Variants in RAB3C observed in about 807,000 individuals in gnomAD.
RAB3C encodes the protein RAB3C, member RAS oncogene family.
RAB3C carries 17 observed loss-of-function variants against 26.4 expected under a neutral mutation model. The observed-to-expected ratio is 0.64, with a 90% CI of 0.44 to 0.97. The LOEUF is 0.97. Among genes scored for constraint, RAB3C ranks in the 50% least tolerant of loss-of-function variants. RAB3C has a pLI of 0.00. For synonymous variants in RAB3C, 91 were observed against 95.9 expected, an observed-to-expected ratio of 0.95 and a Z score of 0.30; for missense variants, 242 against 281.9, an observed-to-expected ratio of 0.86 and a Z score of 1.01.
intron 3 of RAB3C, among the ~76,000 whole-genome samples, chr5:58,769,691 A>G (rs1184449922): frequency 6.6e-6 from 1 of 152,210 alleles, no homozygotes; most frequent in Non-Finnish European, 1.5e-5. Flanking sequence ...ATCCTCATAT[A>G]TAACTGCTAC....
chr5:58,619,376 A>G (rs984584880), intron 2 of RAB3C, among the ~76,000 whole-genome samples: 1 of 152,180 alleles, frequency 6.6e-6, no homozygotes, highest in Admixed American at 6.5e-5. Flanking sequence ...CATTGCTTCA[A>G]GTATGGGTCC....
intron 2 of RAB3C, among the ~76,000 whole-genome samples, chr5:58,688,036 G>C (rs982673970): frequency 6.6e-6 from 1 of 152,026 alleles, no homozygotes; most frequent in Non-Finnish European, 1.5e-5. Context: ...TCTGGTAAAT[G>C]CTTTAGAGAG....
chr5:58,855,104 T>C lies in RAB3C; in HGVS notation c.*3753T>C, dbSNP rs775276147. 6.6e-6 allele frequency: 1 copy of C among 152,200 alleles called. No individual in the cohort carries two copies. Among genetic ancestry groups the C allele is most frequent in the Non-Finnish European group, 1.5e-5 (1 of 68,034 alleles). 9.4% of individuals were successfully genotyped at this position (152,200 alleles called of 1,614,324 possible). ...ATCAGTGGTTCATTGTGATGTGCTT[T>C]ATCCAACATGTATCTTAGTGCATGG... On this transcript the variant is annotated 3_prime_UTR_variant, in exon 5 of 5. Transcript: ENST00000282878.
chr5:58,731,319 A>G (rs1406642088), intron 3 of RAB3C, among the ~76,000 whole-genome samples: 1 of 152,148 alleles, frequency 6.6e-6, no homozygotes. Flanking sequence ...GTTCTGTAAA[A>G]TTAATACAAA....
rs1363932099 is a variant in RAB3C, at chr5:58,854,887, A to G, written c.*3536A>G. 1 of 152,180 alleles carries G rather than the reference A, an allele frequency of 6.6e-6. No homozygotes were observed. The highest frequency in any genetic ancestry group is 1.5e-5 in the Non-Finnish European group (1 of 68,030). 9.4% of individuals were successfully genotyped at this position (152,180 alleles called of 1,614,324 possible). A position where few individuals can be genotyped will look rare whatever the true frequency, so the allele number is the denominator to read the frequency against. On this transcript the variant is annotated 3_prime_UTR_variant, in exon 5 of 5. Coordinates refer to ENST00000282878, the MANE Select transcript of RAB3C (RefSeq NM_138453.4). ...TACTTAAATCTTATTCATATTAATT[A>G]TAGGCCTTTTGTTTAGTACACTGGT...
intron 3 of RAB3C, among the ~76,000 whole-genome samples, chr5:58,811,495 A>G (rs1743089703): frequency 6.6e-6 from 1 of 152,156 alleles, no homozygotes; most frequent in African/African-American, 2.4e-5. Flanking sequence ...TGTTGAAAGG[A>G]AACAGATAGT....
At chr5:58,827,839 C>T (rs1037579583) in intron 4 of RAB3C, among the ~76,000 whole-genome samples, 3 of 152,134 alleles carry the variant, frequency 2.0e-5, no homozygotes, top group Non-Finnish European at 4.4e-5. Context: ...TTAAAAAATG[C>T]TCTCACAATT....
chr5:58,701,541 T>G (rs1748842185), intron 2 of RAB3C, among the ~76,000 whole-genome samples: 1 of 152,164 alleles, frequency 6.6e-6, no homozygotes, highest in Admixed American at 6.5e-5. Flanking sequence ...TGTAACAAAT[T>G]ACCAAAAATT....
At chr5:58,775,922 A>T (rs570522591) in intron 3 of RAB3C, among the ~76,000 whole-genome samples, 2 of 152,198 alleles carry the variant, frequency 1.3e-5, no homozygotes, top group Admixed American at 6.5e-5. Context: ...CTAGGTTTTG[A>T]CATTCTATTG....
At position 58,668,871 on chromosome 5, in the gene RAB3C, C is replaced by T. The variant is rs575115571; in HGVS notation, c.252+51001C>T. Among the ~76,000 whole-genome samples the T allele has an allele frequency of 3.0e-4, 46 of 152,166 alleles. No homozygotes were observed. The South Asian group carries it at 5.2e-3, about 17-fold the overall frequency. On this transcript the variant is annotated intron_variant, in intron 2 of 4. Coordinates refer to ENST00000282878, the MANE Select transcript of RAB3C (RefSeq NM_138453.4). Reference sequence around the variant, plus strand: ...AAAATACCATAGACTGGGTGGCTTACGCAACAGACATTTATTGCTCACAGT... The same window carrying T: ...AAAATACCATAGACTGGGTGGCTTATGCAACAGACATTTATTGCTCACAGT...
chr5:58,607,110 T>C (rs955515807), intron 1 of RAB3C, among the ~76,000 whole-genome samples: 3 of 151,972 alleles, frequency 2.0e-5, no homozygotes, highest in African/African-American at 7.3e-5. Flanking sequence ...ATAACAAACA[T>C]CTCTGAGCTA....
chr5:58,777,877 G>T (rs1742184666), intron 3 of RAB3C, among the ~76,000 whole-genome samples: 1 of 151,932 alleles, frequency 6.6e-6, no homozygotes. Flanking sequence ...AGTTTTCTGA[G>T]AATGATGATT....
At chr5:58,745,992 T>C (rs1741395314) in intron 3 of RAB3C, among the ~76,000 whole-genome samples, 1 of 152,126 alleles carries the variant, frequency 6.6e-6, no homozygotes, top group African/African-American at 2.4e-5. Flanking sequence ...TACAGGGTTT[T>C]CTTCTTATCT....
At chr5:58,795,915 G>C (rs768243660) in intron 3 of RAB3C, among the ~76,000 whole-genome samples, 1 of 152,136 alleles carries the variant, frequency 6.6e-6, no homozygotes, top group African/African-American at 2.4e-5. Context: ...AGTGAAACAT[G>C]GTTAAGGTTA....
intron 3 of RAB3C, among the ~76,000 whole-genome samples, chr5:58,748,766 T>A (rs1016839436): frequency 2.6e-5 from 4 of 152,236 alleles, no homozygotes; most frequent in Non-Finnish European, 5.9e-5. Context: ...TTTATGCTCC[T>A]TCTTCTATAA....
At chr5:58,765,122 G>A (rs572192530) in intron 3 of RAB3C, among the ~76,000 whole-genome samples, 93 of 152,230 alleles carry the variant, frequency 6.1e-4, no homozygotes, top group Non-Finnish European at 1.0e-3. Flanking sequence ...GAATCAGATC[G>A]AACAACTGAG....
intron 2 of RAB3C, among the ~76,000 whole-genome samples, chr5:58,638,195 G>T (rs1488635335): frequency 1.3e-5 from 2 of 152,010 alleles, no homozygotes; most frequent in Non-Finnish European, 2.9e-5. Context: ...ACCCTGCAAT[G>T]CTTGTCATAA....
intron 3 of RAB3C, among the ~76,000 whole-genome samples, chr5:58,778,915 C>T (rs1742208797): frequency 6.6e-6 from 1 of 152,148 alleles, no homozygotes; most frequent in Non-Finnish European, 1.5e-5. Context: ...TGCAACTTCT[C>T]TCTTTCCTTG....
At chr5:58,764,155 A>T (rs1208843067) in intron 3 of RAB3C, among the ~76,000 whole-genome samples, 1 of 152,206 alleles carries the variant, frequency 6.6e-6, no homozygotes, top group Admixed American at 6.5e-5. Context: ...ATGCAGAAGT[A>T]CAGTATCAAA....
Sources: gnomAD v4.1 joint callset for allele counts (sites outside exome capture counted in the v4.1 genomes callset) on GRCh38, gnomAD v4.1.1 for gene constraint, MANE v1.5 for transcripts, NCBI Gene and HGNC (gene_info 2026-07-23, HGNC 2026-07-21) for gene names.